The following RGS7 variants were observed in gnomAD, a reference collection of about 807,000 sequenced individuals.
RGS7 encodes regulator of G-protein signaling 7.
Under a neutral mutation model 81.1 loss-of-function variants are expected in RGS7, and 27 were observed. The ratio of observed to expected loss-of-function variants is 0.33; its 90% CI spans 0.25 to 0.46. The LOEUF (loss-of-function observed/expected upper bound fraction) is 0.46, where lower values mean the gene tolerates loss of function less well. RGS7 is among the 20% of genes least tolerant of loss of function. The pLI is 1.00. For missense variants in RGS7, 396 were observed against 607.4 expected (o/e 0.65, Z 3.66); for synonymous variants, 208 against 207.7 (o/e 1.00, Z -0.01).
At chr1:240,913,176 T>A (rs1672042038) in intron 6 of RGS7, among the ~76,000 whole-genome samples, 1 of 152,248 alleles carries the variant, frequency 6.6e-6, no homozygotes. Flanking sequence ...TTTAATTTTA[T>A]TTTACAGATA....
chr1:241,353,913 A>G (rs985594996), intron 2 of RGS7, among the ~76,000 whole-genome samples: 7 of 152,080 alleles, frequency 4.6e-5, no homozygotes, highest in Non-Finnish European at 1.0e-4. Flanking sequence ...CTGTCTTCTT[A>G]TTTTTTCTTT....
At chr1:241,279,800 T>C (rs2078404115) in intron 2 of RGS7, among the ~76,000 whole-genome samples, 2 of 152,220 alleles carry the variant, frequency 1.3e-5, no homozygotes, top group Non-Finnish European at 2.9e-5. Context: ...TACACAAATA[T>C]AGAATTATAT....
chr1:240,909,678 A>G (rs1034491458), intron 6 of RGS7, among the ~76,000 whole-genome samples: 1 of 152,220 alleles, frequency 6.6e-6, no homozygotes, highest in Non-Finnish European at 1.5e-5. Flanking sequence ...ATAGATCTAT[A>G]TAGTCAGCTT....
intron 14 of RGS7, among the ~76,000 whole-genome samples, chr1:240,808,511 T>G (rs1374622306): frequency 3.3e-5 from 5 of 152,310 alleles, no homozygotes; most frequent in Non-Finnish European, 7.4e-5. Flanking sequence ...TTCTATTATT[T>G]CCCTCATTTT....
intron 2 of RGS7, among the ~76,000 whole-genome samples, chr1:241,342,934 CCA>C (rs879684658): frequency 6.6e-6 from 1 of 152,002 alleles, no homozygotes; most frequent in Non-Finnish European, 1.5e-5. Flanking sequence ...AATGGTGCAG[CCA>C]CTAGAGAACA....
intron 2 of RGS7, among the ~76,000 whole-genome samples, chr1:241,109,601 G>A (rs1306862761): frequency 1.3e-5 from 2 of 151,998 alleles, no homozygotes; most frequent in Non-Finnish European, 2.9e-5. Context: ...TCTTTGCTGT[G>A]TTTGTATGTT....
At chr1:241,169,199 C>CATGTAA (rs145905714) in intron 2 of RGS7, among the ~76,000 whole-genome samples, 26,337 of 151,858 alleles carry the variant, frequency 0.17, 3,581 homozygotes, top group African/African-American at 0.37. Flanking sequence ...TATACATTAA[C>CATGTAA]ATGTCAATGT....
At chr1:240,990,399 T>C (rs1480395997) in intron 3 of RGS7, among the ~76,000 whole-genome samples, 3 of 152,250 alleles carry the variant, frequency 2.0e-5, no homozygotes, top group Non-Finnish European at 4.4e-5. Flanking sequence ...ATGTGTTTTG[T>C]TCTATGAACT....
At chr1:241,012,380 A>G (rs2059002466) in intron 3 of RGS7, among the ~76,000 whole-genome samples, 2 of 152,172 alleles carry the variant, frequency 1.3e-5, no homozygotes, top group South Asian at 4.1e-4. Context: ...GCTGTGCAAG[A>G]AAAGGAAGGC....
At chr1:241,296,933 GT>G (rs113575346) in intron 2 of RGS7, among the ~76,000 whole-genome samples, 1,828 of 145,512 alleles carry the variant, frequency 0.013, 35 homozygotes, top group African/African-American at 0.041. Context: ...AATTAGCTGG[GT>G]TTTTTTTTTT....
intron 3 of RGS7, among the ~76,000 whole-genome samples, chr1:241,026,100 T>C (rs1333257996): frequency 6.6e-6 from 1 of 152,246 alleles, no homozygotes; most frequent in Non-Finnish European, 1.5e-5. Context: ...TGAGCAATTA[T>C]TTATTTAGTG....
At chr1:241,280,262 C>A (rs1471979476) in intron 2 of RGS7, among the ~76,000 whole-genome samples, 1 of 152,164 alleles carries the variant, frequency 6.6e-6, no homozygotes, top group African/African-American at 2.4e-5. Context: ...GATGCACCTA[C>A]AAGCCAAGGA....
intron 2 of RGS7, among the ~76,000 whole-genome samples, chr1:241,134,691 T>G (rs986612876): frequency 6.6e-6 from 1 of 151,644 alleles, no homozygotes; most frequent in African/African-American, 2.4e-5. Flanking sequence ...TTGCGGGAAA[T>G]GAATGGGAGA....
intron 2 of RGS7, among the ~76,000 whole-genome samples, chr1:241,259,480 C>G (rs926155212): frequency 6.6e-6 from 1 of 150,586 alleles, no homozygotes; most frequent in Non-Finnish European, 1.5e-5. Flanking sequence ...CATGGAGAAA[C>G]CCTCTACTAA....
At chr1:241,026,936 A>AAGAGG (rs1234136961) in intron 3 of RGS7, among the ~76,000 whole-genome samples, 1 of 151,872 alleles carries the variant, frequency 6.6e-6, no homozygotes, top group Non-Finnish European at 1.5e-5. Flanking sequence ...AAGAAATGGT[A>AAGAGG]AGAGGAGAGG....
chr1:241,130,111 T>G (rs2066968462), intron 2 of RGS7, among the ~76,000 whole-genome samples: 2 of 152,162 alleles, frequency 1.3e-5, no homozygotes, highest in African/African-American at 4.8e-5. Context: ...TGCCAATGTG[T>G]CATTGTAGTT....
At chr1:241,224,874 A>G (rs1430310971) in intron 2 of RGS7, among the ~76,000 whole-genome samples, 1 of 152,114 alleles carries the variant, frequency 6.6e-6, no homozygotes, top group Non-Finnish European at 1.5e-5. Context: ...TTGCCACACC[A>G]CAGATGCTCA....
chr1:241,094,147 T>C (rs1225574275), intron 3 of RGS7, among the ~76,000 whole-genome samples: 1 of 152,056 alleles, frequency 6.6e-6, no homozygotes, highest in African/African-American at 2.4e-5. Flanking sequence ...GCTTCACTGT[T>C]CTCAACTGCA....
intron 2 of RGS7, among the ~76,000 whole-genome samples, chr1:241,334,648 G>A (rs2082146753): frequency 6.6e-6 from 1 of 152,124 alleles, no homozygotes; most frequent in South Asian, 2.1e-4. Flanking sequence ...CTCAATTCAT[G>A]AAGTTCTCTT....
Sources: allele counts gnomAD v4.1 joint callset (sites outside exome capture counted in the v4.1 genomes callset), GRCh38; gene constraint gnomAD v4.1.1; transcripts MANE v1.5; gene names NCBI Gene and HGNC (gene_info 2026-07-23, HGNC 2026-07-21).